The following LLGL2 variants were observed in gnomAD, a reference collection of about 807,000 sequenced individuals.
LLGL2 encodes LLGL scribble cell polarity complex component 2.
Under a neutral mutation model 123.2 loss-of-function variants are expected in LLGL2, and 81 were observed. The ratio of observed to expected loss-of-function variants is 0.66; its 90% CI spans 0.55 to 0.79. The LOEUF (loss-of-function observed/expected upper bound fraction) is 0.79. LLGL2 is among the 30% of genes least tolerant of loss of function. The pLI is 0.00. For missense variants in LLGL2, 1,273 were observed against 1,414.6 expected, an observed-to-expected ratio of 0.90 and a Z score of 1.61; for synonymous variants, 577 against 594.1, an observed-to-expected ratio of 0.97 and a Z score of 0.42.
chr17:75,564,581 G>A lies in LLGL2; in HGVS notation c.1036+74G>A, dbSNP rs2055365190. ...GGGGCAGGACCATCAGTAAAGACAG[G>A]GCCAGGTGCAGTGGCTCCTGCCTGT... On this transcript the variant is annotated intron_variant, in intron 10 of 25. Coordinates refer to ENST00000392550, the MANE Select transcript of LLGL2 (RefSeq NM_001031803.2). The surrounding 1 kb of genome is among the most constrained non-coding windows in gnomAD (Gnocchi z 4.9). 6.3e-7 allele frequency: 1 copy of A among 1,587,550 alleles called. No homozygotes were observed. The highest frequency in any genetic ancestry group is 8.6e-7 in the Non-Finnish European group (1 of 1,162,160).
chr17:75,565,948 G>A (rs1020091413), intron 10 of LLGL2, among the ~76,000 whole-genome samples: 3 of 152,184 alleles, frequency 2.0e-5, no homozygotes, highest in Non-Finnish European at 4.4e-5. Context: ...CTGAGTATGT[G>A]GACAGAGTGA....
intron 1 of LLGL2, among the ~76,000 whole-genome samples, chr17:75,531,891 C>T (rs566368007): frequency 2.6e-5 from 4 of 152,064 alleles, no homozygotes; most frequent in Non-Finnish European, 5.9e-5. Context: ...CTGCTCTGGG[C>T]GTGGGGACGA....
intron 1 of LLGL2, among the ~76,000 whole-genome samples, chr17:75,529,504 C>T (rs1158261348): frequency 1.3e-5 from 2 of 151,950 alleles, no homozygotes; most frequent in Non-Finnish European, 2.9e-5. Context: ...TGCACCCGGC[C>T]CCTGCCAGTC....
At chr17:75,561,590 C>G (rs1321427038) in intron 6 of LLGL2, among the ~76,000 whole-genome samples, 5 of 152,120 alleles carry the variant, frequency 3.3e-5, no homozygotes, top group African/African-American at 1.2e-4. Flanking sequence ...CACTACCCTC[C>G]AGCCTGGGTG....
At chr17:75,530,019 G>A (rs1260414843) in intron 1 of LLGL2, among the ~76,000 whole-genome samples, 4 of 152,196 alleles carry the variant, frequency 2.6e-5, no homozygotes, top group African/African-American at 7.2e-5. Context: ...AGATGAGAAA[G>A]GTCACTAGCA....
intron 14 of LLGL2, 84 bp from the exon 15 acceptor site, chr17:75,569,879 C>G: frequency 7.1e-7 from 1 of 1,412,380 alleles, no homozygotes; most frequent in South Asian, 1.4e-5. Context: ...GGGCCCAGCT[C>G]CTTTGCTGTC....
chr17:75,568,311 C>T, intron 10 of LLGL2, 165 bp from the exon 11 acceptor site: 1 of 1,439,418 alleles, frequency 6.9e-7, no homozygotes, highest in Non-Finnish European at 9.1e-7. Flanking sequence ...GGGCTACTGC[C>T]CACACCTGCT....
intron 19 of LLGL2, 78 bp downstream of exon 19, chr17:75,572,142 G>A: frequency 2.2e-6 from 3 of 1,395,270 alleles, no homozygotes; most frequent in Non-Finnish European, 3.0e-6. Context: ...CAAAAATGAT[G>A]GCTGGGACTC....
rs1275685758 is a variant in LLGL2 at position 75,575,198 on chromosome 17, A to G, written c.*320A>G. 5.7e-6 allele frequency: 3 copies of G among 522,184 alleles called. No homozygotes were observed. Among genetic ancestry groups the G allele is most frequent in the East Asian group, 6.4e-5 (2 of 31,488 alleles). 32.3% of individuals were successfully genotyped at this position (522,184 alleles called of 1,614,324 possible). ...GTGAAAAAGTTTTTAATAAACACCT[A>G]TTACCTCTTGACTGGTCCACTACTT... On this transcript the variant is annotated 3_prime_UTR_variant, in exon 26 of 26. Coordinates refer to ENST00000392550, the MANE Select transcript of LLGL2 (RefSeq NM_001031803.2).
intron 1 of LLGL2, among the ~76,000 whole-genome samples, chr17:75,526,657 G>T (rs2053584779): frequency 2.0e-5 from 3 of 152,086 alleles, no homozygotes. Flanking sequence ...ATCCGTATGC[G>T]ACTGCCGGCA....
At chr17:75,525,405 G>A (rs141067600), upstream of LLGL2, among the ~76,000 whole-genome samples, 1 of 152,026 alleles carries the variant, frequency 6.6e-6, no homozygotes, top group Non-Finnish European at 1.5e-5. The surrounding 1 kb of genome is among the most constrained non-coding windows in gnomAD (Gnocchi z 4.8). Flanking sequence ...GACCGCAGGC[G>A]TTCCGGGAAC....
intron 6 of LLGL2, chr17:75,562,449 C>T (rs1201838261): frequency 6.4e-6 from 1 of 155,694 alleles, no homozygotes; most frequent in Non-Finnish European, 1.4e-5. Context: ...TTCCAGAAGT[C>T]ACTGCCTTGC....
chr17:75,569,203 G>A lies in LLGL2; in HGVS notation c.1477-18G>A. The A allele has an allele frequency of 1.2e-6, 2 of 1,612,800 alleles. No homozygotes were observed. Among genetic ancestry groups the A allele is most frequent in the Non-Finnish European group, 1.7e-6 (2 of 1,179,454 alleles). On this transcript the variant is annotated intron_variant, in intron 13 of 25. Transcript: ENST00000392550. ...TCCTGTCCCCGTGGCTGCTCACAGG[G>A]CCCCTCCCCTTCTCCAGGTGGGCTC...
chr17:75,528,575 T>C lies in LLGL2; in HGVS notation c.-31+2750T>C, dbSNP rs934081778. ...CCAACATGGAGATACCCTGTCTCTA[T>C]TAAACATATAAAATCAGCTGGCCAT... On this transcript the variant is annotated intron_variant, in intron 1 of 25. Coordinates refer to ENST00000392550, the MANE Select transcript of LLGL2 (RefSeq NM_001031803.2). Among the ~76,000 whole-genome samples, 6 of 152,118 alleles carry C rather than the reference T, an allele frequency of 3.9e-5. No homozygotes were observed. The East Asian group carries it at 1.2e-3, about 30-fold the overall frequency.
chr17:75,557,931 C>G, intron 3 of LLGL2: 1 of 617,994 alleles, frequency 1.6e-6, no homozygotes. Context: ...ACCGGCCTGA[C>G]TGGGAAAAAT....
At chr17:75,529,505 C>G (rs1439459982) in intron 1 of LLGL2, among the ~76,000 whole-genome samples, 3 of 151,984 alleles carry the variant, frequency 2.0e-5, no homozygotes, top group Non-Finnish European at 4.4e-5. Context: ...GCACCCGGCC[C>G]CTGCCAGTCC....
intron 3 of LLGL2, chr17:75,557,895 C>T (rs889699602): frequency 7.7e-6 from 4 of 519,612 alleles, no homozygotes; most frequent in Non-Finnish European, 1.4e-5. Context: ...CAGGGTAGGG[C>T]TTCGCCTTTC....
chr17:75,544,933 A>G lies in LLGL2; in HGVS notation c.75+1432A>G, dbSNP rs1224424561. Among the ~76,000 whole-genome samples the G allele has an allele frequency of 6.6e-6, 1 of 152,150 alleles. No individual in the cohort carries two copies. The highest frequency in any genetic ancestry group is 1.5e-5 in the Non-Finnish European group (1 of 68,028). The stretch of plus-strand genomic sequence containing the variant: ...GCAGGTGTTGGGAATGGGAGATCTC[A>G]GGACACCTACAGCCTGCTACCCTTG... On this transcript the variant is annotated intron_variant, in intron 2 of 25. Coordinates refer to ENST00000392550, the MANE Select transcript of LLGL2 (RefSeq NM_001031803.2). The surrounding 1 kb of genome is among the most constrained non-coding windows in gnomAD (Gnocchi z 4.2).
At chr17:75,532,337 G>A (rs375713228) in intron 1 of LLGL2, among the ~76,000 whole-genome samples, 67 of 152,144 alleles carry the variant, frequency 4.4e-4, no homozygotes, top group African/African-American at 1.5e-3. Flanking sequence ...TGCAAGCTCC[G>A]CCTCCTGGGT....
Sources: gnomAD v4.1 joint callset for allele counts (sites outside exome capture counted in the v4.1 genomes callset) on GRCh38, gnomAD v4.1.1 for gene constraint, Gnocchi (gnomAD v3.1) non-coding constraint, MANE v1.5 for transcripts, NCBI Gene and HGNC (gene_info 2026-07-23, HGNC 2026-07-21) for gene names.